The following PHYKPL variants were observed in gnomAD, a reference collection of about 807,000 sequenced individuals.
PHYKPL encodes 5-phosphonooxy-L-lysine phospho-lyase.
A neutral mutation model predicts 51.3 loss-of-function variants in PHYKPL; 42 were observed. The observed-to-expected ratio is 0.82, with a 90% CI of 0.64 to 1.06. The LOEUF is 1.06. PHYKPL is among the 50% of genes least tolerant of loss of function. The probability of loss-of-function intolerance (pLI) is 0.00; values close to 1 mark genes in which losing one functional copy is unlikely to be tolerated. For missense variants in PHYKPL, 655 were observed against 586.6 expected, an observed-to-expected ratio of 1.12 and a Z score of -1.20; for synonymous variants, 264 against 236.0, an observed-to-expected ratio of 1.12 and a Z score of -1.09.
intron 6 of PHYKPL, chr5:178,223,457 G>C (rs1459274146): frequency 2.2e-6 from 1 of 456,156 alleles, no homozygotes; most frequent in Non-Finnish European, 4.4e-6. Flanking sequence ...TGTCACTGTT[G>C]TTTAAAACCC....
At position 178,232,475 on chromosome 5, in the gene PHYKPL, G is replaced by GT; in HGVS notation, c.59+16_59+17insA. 8.1e-7 allele frequency: 1 copy of GT among 1,232,576 alleles called. No homozygotes were observed. The highest frequency in any genetic ancestry group is 1.0e-6 in the Non-Finnish European group (1 of 982,334). The allele number at this position is 1,232,576 out of a possible 1,614,324, so 76.4% of individuals were successfully genotyped here. A position where few individuals can be genotyped will look rare whatever the true frequency, so the allele number is the denominator to read the frequency against. On this transcript the variant is annotated intron_variant, in intron 1 of 12. Coordinates refer to ENST00000308158, the MANE Select transcript of PHYKPL (RefSeq NM_153373.4). ...CGCAGCCCCGCGCCCCCCGCCGCCC[G>GT]CCCCCCGCCCGGGTACCTGATGAGC...
At chr5:178,211,806 A>C in intron 12 of PHYKPL, 84 bp downstream of exon 12, 1 of 939,554 alleles carries the variant, frequency 1.1e-6, no homozygotes, top group Non-Finnish European at 1.7e-6. Context: ...TCTTAAAAAA[A>C]GGCTCAGCTT....
chr5:178,230,332 C>T, intron 2 of PHYKPL: 2 of 519,076 alleles, frequency 3.9e-6, no homozygotes, highest in South Asian at 2.4e-5. Flanking sequence ...AGAACCCTGT[C>T]TAGAAAGCCC....
intron 1 of PHYKPL, 130 bp downstream of exon 1, chr5:178,232,362 C>T: frequency 2.3e-6 from 3 of 1,293,014 alleles, no homozygotes; most frequent in Non-Finnish European, 1.9e-6. Flanking sequence ...GGGGCAGCGG[C>T]CGGACGGGAT....
chr5:178,222,793 G>A (rs1761442403), intron 7 of PHYKPL, 59 bp downstream of exon 7: 20 of 1,576,234 alleles, frequency 1.3e-5, no homozygotes, highest in Middle Eastern at 3.3e-4. Flanking sequence ...TGGACCAGAG[G>A]TTGGAAAACC....
At chr5:178,222,241 A>G (rs1761308608) in intron 8 of PHYKPL, 114 bp downstream of exon 8, 1 of 878,090 alleles carries the variant, frequency 1.1e-6, no homozygotes, top group Non-Finnish European at 1.7e-6. Flanking sequence ...AGCGTCTTGG[A>G]AGCGTGTGCT....
intron 8 of PHYKPL, among the ~76,000 whole-genome samples, chr5:178,219,195 A>G (rs1160762474): frequency 6.6e-6 from 1 of 151,766 alleles, no homozygotes; most frequent in Admixed American, 6.6e-5. Flanking sequence ...AAACAAAATG[A>G]TAAGAGTTGA....
chr5:178,224,277 A>T, intron 6 of PHYKPL, 171 bp downstream of exon 6: 1 of 712,624 alleles, frequency 1.4e-6, no homozygotes, highest in Non-Finnish European at 2.3e-6. Flanking sequence ...CGCCCATGCT[A>T]GGCCGTGCAC....
At chr5:178,231,089 T>C in intron 2 of PHYKPL, 2 of 318,940 alleles carry the variant, frequency 6.3e-6, no homozygotes, top group South Asian at 3.6e-5. Context: ...AGCACTGCCA[T>C]GACCCCAGCA....
chr5:178,208,328 A>G (rs1757200711), downstream of PHYKPL, among the ~76,000 whole-genome samples: 2 of 152,192 alleles, frequency 1.3e-5, no homozygotes, highest in Non-Finnish European at 2.9e-5. Context: ...AATTTTCTAT[A>G]AAATGACAGT....
intron 1 of PHYKPL, chr5:178,231,835 C>G: frequency 7.4e-7 from 1 of 1,357,752 alleles, no homozygotes; most frequent in Non-Finnish European, 9.8e-7. Context: ...GGTGGCTGCC[C>G]CGTCCCATGG....
At chr5:178,209,306 G>T in intron 12 of PHYKPL, 4 of 1,601,532 alleles carry the variant, frequency 2.5e-6, no homozygotes, top group South Asian at 2.2e-5. Flanking sequence ...CTACTGGCCT[G>T]ACCACTGTCC....
chr5:178,219,112 CATAA>C lies in PHYKPL; in HGVS notation c.927+3239_927+3242del, dbSNP rs148928527. On this transcript the variant is annotated intron_variant, in intron 8 of 12. Coordinates refer to ENST00000308158, the MANE Select transcript of PHYKPL (RefSeq NM_153373.4). The stretch of plus-strand genomic sequence containing the variant: ...AAATGTTAAAAGACTTAAGAGGAAA[CATAA>C]ATGAATATATTTTATAACTTGGAGT... 1.6e-4 allele frequency among the ~76,000 whole-genome samples: 24 copies of C among 152,148 alleles called. No homozygotes were observed. In the East Asian group the frequency reaches 4.3e-3, roughly 27 times the overall value.
chr5:178,210,457 C>A, intron 12 of PHYKPL: 1 of 1,494,366 alleles, frequency 6.7e-7, no homozygotes, highest in South Asian at 1.1e-5. Flanking sequence ...TCTCTGCTGT[C>A]ACGGCTGGTG....
chr5:178,232,427 T>TG lies in PHYKPL; in HGVS notation c.59+64_59+65insC, dbSNP rs1446313845. On this transcript the variant is annotated intron_variant, in intron 1 of 12. Coordinates refer to ENST00000308158, the MANE Select transcript of PHYKPL (RefSeq NM_153373.4). ...CGTGCGTAGTGCGTGCGTGCGTGCG[T>TG]CGTGCGTGCGCGTGCCTCTCCGCGC... 41 of 1,365,496 alleles carry TG rather than the reference T, an allele frequency of 3.0e-5. 1 individual carries two copies. The East Asian group carries it at 4.1e-4, about 14-fold the overall frequency. 84.6% of individuals were successfully genotyped at this position (1,365,496 alleles called of 1,614,324 possible).
At chr5:178,225,762 A>T (rs140487202) in intron 3 of PHYKPL, 3 of 305,518 alleles carry the variant, frequency 9.8e-6, no homozygotes, top group Non-Finnish European at 1.9e-5. Flanking sequence ...ACTCCAAAAA[A>T]TATGTAAGGA....
At chr5:178,230,776 C>T (rs1356262572) in intron 2 of PHYKPL, 1 of 154,346 alleles carries the variant, frequency 6.5e-6, no homozygotes, top group Non-Finnish European at 1.4e-5. Context: ...ATTCTCCAAA[C>T]ACCTTAAAGT....
At chr5:178,225,869 C>A in intron 3 of PHYKPL, 1 of 176,250 alleles carries the variant, frequency 5.7e-6, no homozygotes, top group Non-Finnish European at 1.2e-5. Flanking sequence ...GAGACAGCAT[C>A]AGATCCCACA....
chr5:178,222,142 G>T (rs759129218), intron 8 of PHYKPL, among the ~76,000 whole-genome samples: 1 of 152,210 alleles, frequency 6.6e-6, no homozygotes, highest in Non-Finnish European at 1.5e-5. Context: ...TATAAGACAT[G>T]GTCCCTTGTG....
Sources: allele counts gnomAD v4.1 joint callset (sites outside exome capture counted in the v4.1 genomes callset), GRCh38; gene constraint gnomAD v4.1.1; transcripts MANE v1.5; gene names NCBI Gene and HGNC (gene_info 2026-07-23, HGNC 2026-07-21).